Variants in CASP10 observed in about 807,000 individuals in gnomAD.
CASP10 encodes caspase-10.
Under a neutral mutation model 48.5 loss-of-function variants are expected in CASP10, and 41 were observed. The observed-to-expected ratio is 0.85, with a 90% confidence interval of 0.66 to 1.10. The LOEUF is 1.10. Ranked by LOEUF, CASP10 falls within the 50% of genes least tolerant of loss-of-function variation. The pLI, the probability that CASP10 is intolerant of heterozygous loss-of-function variation, is 0.00. For synonymous variants in CASP10, 232 were observed against 238.4 expected (o/e 0.97, Z 0.25); for missense variants, 614 against 614.5 (o/e 1.00, Z 0.01).
intron 5 of CASP10, among the ~76,000 whole-genome samples, chr2:201,203,354 TG>T (rs1004051325): frequency 3.0e-4 from 46 of 151,372 alleles, no homozygotes; most frequent in Non-Finnish European, 5.3e-4. Flanking sequence ...TCACCCAGGC[TG>T]GAGTGCAGTT....
intron 8 of CASP10, 120 bp downstream of exon 8, chr2:201,208,303 T>G: frequency 7.0e-7 from 1 of 1,438,570 alleles, no homozygotes; most frequent in Non-Finnish European, 9.1e-7. Flanking sequence ...GATATCATGT[T>G]TCTGAGCCTC....
chr2:201,195,984 C>T, intron 5 of CASP10, 36 bp downstream of exon 5: 1 of 1,402,352 alleles, frequency 7.1e-7, no homozygotes, highest in East Asian at 2.3e-5. Context: ...TGCTTAACAA[C>T]CGGCTCCACC....
At chr2:201,210,158 A>G (rs943744616) in intron 9 of CASP10, among the ~76,000 whole-genome samples, 4 of 152,188 alleles carry the variant, frequency 2.6e-5, no homozygotes, top group Admixed American at 6.5e-5. Flanking sequence ...CGTCCTGAGC[A>G]CCTATGTGCT....
chr2:201,215,042 T>C lies in CASP10; in HGVS notation c.1416-2546T>C, dbSNP rs532147118. 326 of 152,274 alleles carry C rather than the reference T, an allele frequency of 2.1e-3. 1 individual carries two copies. Among genetic ancestry groups the C allele is most frequent in the African/African-American group, 7.5e-3 (310 of 41,544 alleles). The allele number at this position is 152,274 out of a possible 1,614,324, so 9.4% of individuals were successfully genotyped here. ...CTTATACCTGTGGACCATTTGTATG[T>C]CTTCTTTTGAGAAATGTCTGTTAAA... On this transcript the variant is annotated intron_variant, in intron 9 of 9. Transcript: ENST00000286186.
chr2:201,188,904 C>CTT (rs1181666327), intron 3 of CASP10, among the ~76,000 whole-genome samples: 1 of 149,956 alleles, frequency 6.7e-6, no homozygotes, highest in Non-Finnish European at 1.5e-5. Context: ...GAGTCTCACT[C>CTT]TTGTCACCCA....
downstream of CASP10, among the ~76,000 whole-genome samples, chr2:201,222,124 T>C (rs1029114410): frequency 2.0e-5 from 3 of 152,170 alleles, no homozygotes; most frequent in African/African-American, 7.2e-5. Context: ...AATAGGTAGA[T>C]TGAGTGAGGT....
Position 201,209,063 on chromosome 2 carries a change from T to TAA in CASP10, c.923-5_923-4dup. 6.2e-7 allele frequency: 1 copy of TAA among 1,605,448 alleles called. No homozygotes were observed. The highest frequency in any genetic ancestry group is 8.5e-7 in the Non-Finnish European group (1 of 1,176,554). ...TCTCTTTTTTTTTTTTTTTTGTTTT[T>TAA]AAACAGAGATCCTGAGTCATGTGTT... On this transcript the variant is annotated splice_region_variant and splice_polypyrimidine_tract_variant and intron_variant, in intron 8 of 9. Coordinates refer to ENST00000286186, the MANE Select transcript of CASP10 (RefSeq NM_032977.4).
At chr2:201,206,367 G>A (rs1576119501) in intron 7 of CASP10, 1 of 165,002 alleles carries the variant, frequency 6.1e-6, no homozygotes, top group East Asian at 1.8e-4. Flanking sequence ...AGCCAGCTCA[G>A]CTAATTTGCA....
At chr2:201,215,211 G>GTTTTTTTTTTTTTTTTTTTTTTTTTT (rs10616229) in intron 9 of CASP10, among the ~76,000 whole-genome samples, 1 of 29,884 alleles carries the variant, frequency 3.3e-5, no homozygotes, top group Non-Finnish European at 6.4e-5. Context: ...TCTTCCCTCG[G>GTTTTTTTTTTTTTTTTTTTTTTTTTT]TTTTTTTTTT....
At chr2:201,227,283 C>T (rs933760772) in intron 9 of CASP10, among the ~76,000 whole-genome samples, 7 of 152,064 alleles carry the variant, frequency 4.6e-5, no homozygotes, top group Non-Finnish European at 8.8e-5. Context: ...GCCAGGTTTG[C>T]AGGGAAGCTT....
intron 3 of CASP10, among the ~76,000 whole-genome samples, chr2:201,191,771 A>G (rs1576077621): frequency 1.3e-5 from 2 of 152,230 alleles, no homozygotes; most frequent in East Asian, 3.8e-4. Flanking sequence ...TGTAAGCAGT[A>G]TAGCTGGCCT....
chr2:201,185,839 G>T lies in CASP10; in HGVS notation c.62G>T (p.Arg21Leu), dbSNP rs140813639. 1.9e-6 allele frequency: 3 copies of T among 1,613,968 alleles called. No individual in the cohort carries two copies. Among genetic ancestry groups the T allele is most frequent in the Non-Finnish European group, 2.5e-6 (3 of 1,180,006 alleles). Residue 21 changes from arginine to leucine, a missense_variant, in exon 2 of 10, where the codon CGT (arginine) becomes CTT (leucine). By Grantham distance (102) the Arg-to-Leu change is moderately radical (BLOSUM62 -2). Transcript: ENST00000286186. The stretch of plus-strand genomic sequence containing the variant: ...GATAAAAACTGTAAAGTGAGCTTTC[G>T]TGAGAAGCTTCTGATTATTGATTCA... ...SSDKNCKVSF[R>L]EKLLIIDSNL...
At chr2:201,226,319 G>A (rs1391447574), downstream of CASP10, among the ~76,000 whole-genome samples, 1 of 152,178 alleles carries the variant, frequency 6.6e-6, no homozygotes. Flanking sequence ...CCAAGTGTGG[G>A]TGAAGATACA....
intron 5 of CASP10, among the ~76,000 whole-genome samples, chr2:201,197,738 T>A (rs1489179420): frequency 6.6e-6 from 1 of 152,224 alleles, no homozygotes; most frequent in East Asian, 1.9e-4. Context: ...TGTATTACAT[T>A]TTGTTGTCCA....
downstream of CASP10, among the ~76,000 whole-genome samples, chr2:201,221,927 A>G (rs528097340): frequency 1.3e-4 from 20 of 152,300 alleles, no homozygotes; most frequent in African/African-American, 4.8e-4. Context: ...TCCTTGGCTC[A>G]TTCCTCCTCC....
Position 201,221,412 on chromosome 2 carries a change from T to G in CASP10, c.*3671T>G. ...AATCACAAAAGAAGTGAAAATGGCC[T>G]GTTCCTGCCTTAACTGATGACATTA... On this transcript the variant is annotated 3_prime_UTR_variant, in exon 10 of 10. Transcript: ENST00000286186. 1 of 375,932 alleles carries G rather than the reference T, an allele frequency of 2.7e-6. No individual in the cohort carries two copies. The highest frequency in any genetic ancestry group is 3.7e-6 in the Non-Finnish European group (1 of 272,858). 23.3% of individuals were successfully genotyped at this position (375,932 alleles called of 1,614,324 possible). A position where few individuals can be genotyped will look rare whatever the true frequency, so the allele number is the denominator to read the frequency against.
chr2:201,224,172 C>T (rs1228785361), downstream of CASP10, among the ~76,000 whole-genome samples: 1 of 151,932 alleles, frequency 6.6e-6, no homozygotes, highest in Non-Finnish European at 1.5e-5. Flanking sequence ...AGGGTTTCAC[C>T]ATGTTAGCCA....
At chr2:201,196,000 A>G (rs1944782298) in intron 5 of CASP10, 52 bp downstream of exon 5, 2 of 1,226,704 alleles carry the variant, frequency 1.6e-6, no homozygotes, top group Non-Finnish European at 2.4e-6. Context: ...CCACCCTCCA[A>G]CCTCCCCTCC....
Position 201,187,763 on chromosome 2 carries a change from C to A in CASP10, c.405C>A (p.Ile135=), listed in dbSNP as rs558017414. ...GIDSENLKDM[I]FLLKDSLPKT... ...ACTCAGAGAACTTAAAGGACATGAT[C>A]TTCCTTCTGAAAGACTCGCTTCCCA... Residue 135 remains isoleucine (I), a synonymous_variant, in exon 3 of 10, where the codon ATC becomes ATA. Transcript: ENST00000286186. 6.8e-6 allele frequency: 11 copies of A among 1,614,102 alleles called. No individual in the cohort carries two copies. The South Asian group carries it at 9.9e-5, about 14-fold the overall frequency.
Sources: allele counts gnomAD v4.1 joint callset (sites outside exome capture counted in the v4.1 genomes callset), GRCh38; gene constraint gnomAD v4.1.1; transcripts MANE v1.5; gene names NCBI Gene and HGNC (gene_info 2026-07-23, HGNC 2026-07-21).